FTCDNL1: variants seen among roughly 807,000 people sequenced by gnomAD.
FTCDNL1 encodes formiminotransferase N-terminal subdomain-containing protein.
Under a neutral mutation model 5.9 loss-of-function variants are expected in FTCDNL1, and 11 were observed. The ratio of observed to expected loss-of-function variants is 1.87; its 90% CI spans 1.18 to 3.10. FTCDNL1 has a LOEUF of 3.10. Among genes scored for constraint, FTCDNL1 ranks in the 30% most tolerant of loss-of-function variants. The probability of loss-of-function intolerance (pLI) is 0.00; values close to 1 mark genes in which losing one functional copy is unlikely to be tolerated. For synonymous variants in FTCDNL1, 58 were observed against 24.8 expected, an observed-to-expected ratio of 2.34 and a Z score of -3.99; for missense variants, 115 against 65.5, an observed-to-expected ratio of 1.76 and a Z score of -2.61.
chr2:199,666,764 A>C, the FTCDNL1 span, among the ~76,000 whole-genome samples: 1 of 151,886 alleles, frequency 6.6e-6, no homozygotes, highest in Non-Finnish European at 1.5e-5. Flanking sequence ...AAAATACAAA[A>C]ATTAGCCAGG....
chr2:199,829,390 A>G (rs1238686773), intron 3 of FTCDNL1, among the ~76,000 whole-genome samples: 3 of 152,168 alleles, frequency 2.0e-5, no homozygotes, highest in Non-Finnish European at 4.4e-5. Context: ...CTAAATATGA[A>G]TATCTAGCAC....
At chr2:199,712,819 C>T in the FTCDNL1 span, among the ~76,000 whole-genome samples, 1 of 152,204 alleles carries the variant, frequency 6.6e-6, no homozygotes, top group African/African-American at 2.4e-5. Context: ...TCTGTGTCTT[C>T]ACATTGTCTT....
chr2:199,724,509 T>G, the FTCDNL1 span, among the ~76,000 whole-genome samples: 1 of 152,190 alleles, frequency 6.6e-6, no homozygotes, highest in Non-Finnish European at 1.5e-5. Context: ...AGTTTTTTGA[T>G]GTGGTCATTT....
chr2:199,698,058 A>C, the FTCDNL1 span, among the ~76,000 whole-genome samples: 1 of 152,246 alleles, frequency 6.6e-6, no homozygotes, highest in Non-Finnish European at 1.5e-5. Flanking sequence ...ATAGTGATAA[A>C]GGGTTCAATT....
At chr2:199,747,026 A>AACAC in the FTCDNL1 span, among the ~76,000 whole-genome samples, 1,086 of 145,914 alleles carry the variant, frequency 7.4e-3, 19 homozygotes, top group African/African-American at 0.023. Context: ...GTTTATTTAA[A>AACAC]ACACACACAC....
chr2:199,747,292 C>T, the FTCDNL1 span, among the ~76,000 whole-genome samples: 1 of 152,120 alleles, frequency 6.6e-6, no homozygotes, highest in Non-Finnish European at 1.5e-5. Flanking sequence ...TGACAGCTTC[C>T]CCACCCCAGG....
intron 3 of FTCDNL1, among the ~76,000 whole-genome samples, chr2:199,761,123 A>C (rs538256158): frequency 6.6e-6 from 1 of 152,312 alleles, no homozygotes; most frequent in South Asian, 2.1e-4. Context: ...TCTTGCCAGG[A>C]CCCTGACTGC....
At chr2:199,683,496 T>C in the FTCDNL1 span, among the ~76,000 whole-genome samples, 1 of 151,742 alleles carries the variant, frequency 6.6e-6, no homozygotes, top group Non-Finnish European at 1.5e-5. Flanking sequence ...ACAACTTTAA[T>C]AGGCTTATTT....
chr2:199,770,338 T>C (rs1698748776), intron 3 of FTCDNL1, among the ~76,000 whole-genome samples: 1 of 152,190 alleles, frequency 6.6e-6, no homozygotes, highest in African/African-American at 2.4e-5. Flanking sequence ...CTAATCTCCC[T>C]ATTATGGTGA....
At chr2:199,829,418 C>T (rs1385019012) in intron 3 of FTCDNL1, among the ~76,000 whole-genome samples, 1 of 152,096 alleles carries the variant, frequency 6.6e-6, no homozygotes, top group Non-Finnish European at 1.5e-5. Flanking sequence ...TCAGGCTTAA[C>T]TTTAGAGACT....
chr2:199,771,273 A>G (rs907578045), intron 3 of FTCDNL1, among the ~76,000 whole-genome samples: 1 of 152,206 alleles, frequency 6.6e-6, no homozygotes, highest in African/African-American at 2.4e-5. Context: ...GACATGACCC[A>G]GAACATCGCC....
the FTCDNL1 span, among the ~76,000 whole-genome samples, chr2:199,680,312 T>G: frequency 1.2e-4 from 18 of 152,120 alleles, no homozygotes; most frequent in African/African-American, 4.3e-4. Context: ...GCACAAATCA[T>G]AGAAGAAATG....
At chr2:199,715,226 A>G in the FTCDNL1 span, among the ~76,000 whole-genome samples, 3 of 152,146 alleles carry the variant, frequency 2.0e-5, no homozygotes, top group South Asian at 6.2e-4. Context: ...TGTCTTATAT[A>G]TATATGCTAT....
At chr2:199,706,083 G>A in the FTCDNL1 span, among the ~76,000 whole-genome samples, 8,161 of 152,234 alleles carry the variant, frequency 0.054, 760 homozygotes, top group African/African-American at 0.19. Flanking sequence ...ATTTTATAAA[G>A]GCAGCCTTAA....
the FTCDNL1 span, among the ~76,000 whole-genome samples, chr2:199,685,408 T>C: frequency 6.6e-6 from 1 of 151,956 alleles, no homozygotes; most frequent in African/African-American, 2.4e-5. Flanking sequence ...CCTAAGACCC[T>C]CCTCTCTACA....
chr2:199,816,728 A>G (rs1701371120), intron 4 of FTCDNL1, among the ~76,000 whole-genome samples: 1 of 152,126 alleles, frequency 6.6e-6, no homozygotes, highest in African/African-American at 2.4e-5. Context: ...TGCCTTTACA[A>G]TGAAGCCTAA....
chr2:199,787,213 GCT>G (rs1258783161), intron 3 of FTCDNL1, among the ~76,000 whole-genome samples: 1 of 150,706 alleles, frequency 6.6e-6, no homozygotes, highest in Non-Finnish European at 1.5e-5. Flanking sequence ...ATAGAATCTC[GCT>G]CTGTCACCCA....
intron 3 of FTCDNL1, among the ~76,000 whole-genome samples, chr2:199,772,335 C>T (rs1698853860): frequency 6.6e-6 from 1 of 152,188 alleles, no homozygotes; most frequent in Non-Finnish European, 1.5e-5. Flanking sequence ...GTAACCAAAA[C>T]TTCGGAAAGC....
chr2:199,842,261 C>T (rs913237999), intron 3 of FTCDNL1, among the ~76,000 whole-genome samples: 1 of 152,046 alleles, frequency 6.6e-6, no homozygotes, highest in Non-Finnish European at 1.5e-5. Flanking sequence ...GAGCAAGACT[C>T]CATCTCAAAA....
Sources: allele counts gnomAD v4.1 joint callset (sites outside exome capture counted in the v4.1 genomes callset), GRCh38; gene constraint gnomAD v4.1.1; transcripts MANE v1.5; gene names NCBI Gene and HGNC (gene_info 2026-07-23, HGNC 2026-07-21).